The following KCNMA1 variants were observed in gnomAD, a reference collection of about 807,000 sequenced individuals.
KCNMA1 encodes the protein potassium calcium-activated channel subfamily M alpha 1, also known as Calcium-activated potassium channel subunit alpha-1.
Under a neutral mutation model 140.0 loss-of-function variants are expected in KCNMA1, and 29 were observed. That is an observed-to-expected ratio of 0.21 (90% CI 0.15 to 0.28). The LOEUF is 0.28. KCNMA1 is among the 10% of genes least tolerant of loss of function. The pLI is 1.00. For synonymous variants in KCNMA1, 612 were observed against 611.9 expected, an observed-to-expected ratio of 1.00 and a Z score of 0.00; for missense variants, 880 against 1,602.2, an observed-to-expected ratio of 0.55 and a Z score of 7.70.
intron 3 of KCNMA1, among the ~76,000 whole-genome samples, chr10:77,247,518 A>T (rs1463334989): frequency 2.6e-5 from 4 of 151,918 alleles, no homozygotes; most frequent in East Asian, 1.9e-4. Context: ...ATTTCTAAAA[A>T]ATCTTTGCTT....
At position 77,633,845 on chromosome 10, in the gene KCNMA1, C is replaced by T. The variant is rs377187450; in HGVS notation, c.378+3420G>A. The stretch of plus-strand genomic sequence containing the variant: ...CCAACAGGAAGTTGGCCTCAGTTTC[C>T]CCAGTTATTTAAAGAGAAGTAGACC... On this transcript the variant is annotated intron_variant, in intron 1 of 27. Transcript: ENST00000286628. Among the ~76,000 whole-genome samples, 3 of 152,240 alleles carry T rather than the reference C, an allele frequency of 2.0e-5. No individual in the cohort carries two copies. The East Asian group carries it at 5.8e-4, about 29-fold the overall frequency.
intron 1 of KCNMA1, among the ~76,000 whole-genome samples, chr10:77,537,306 T>C (rs1288630907): frequency 6.6e-6 from 1 of 152,206 alleles, no homozygotes; most frequent in East Asian, 1.9e-4. Context: ...CATGCATCAC[T>C]GTGCCAACTC....
chr10:77,357,606 G>C (rs1428213796), intron 2 of KCNMA1, among the ~76,000 whole-genome samples: 1 of 152,152 alleles, frequency 6.6e-6, no homozygotes, highest in African/African-American at 2.4e-5. Flanking sequence ...AAAGCTTTCT[G>C]CTTCATTGGA....
intron 1 of KCNMA1, among the ~76,000 whole-genome samples, chr10:77,612,217 C>T (rs1018372135): frequency 7.2e-5 from 11 of 152,166 alleles, no homozygotes; most frequent in African/African-American, 1.4e-4. Flanking sequence ...TGGCCAAAGA[C>T]CCAGGCACAT....
At chr10:77,072,322 G>A (rs1473438198) in intron 14 of KCNMA1, among the ~76,000 whole-genome samples, 1 of 152,226 alleles carries the variant, frequency 6.6e-6, no homozygotes, top group Non-Finnish European at 1.5e-5. Context: ...TGGAGTGACT[G>A]TTATCCCAGG....
chr10:77,380,610 A>G (rs895238689), intron 2 of KCNMA1, among the ~76,000 whole-genome samples: 7 of 152,086 alleles, frequency 4.6e-5, no homozygotes, highest in East Asian at 1.9e-4. Context: ...TCATTGTCCT[A>G]CTCATAAACG....
intron 7 of KCNMA1, among the ~76,000 whole-genome samples, chr10:77,111,131 C>T (rs767290207): frequency 2.0e-5 from 3 of 152,236 alleles, no homozygotes; most frequent in Non-Finnish European, 4.4e-5. Flanking sequence ...GCAGTTTCCC[C>T]ACTTTCCTGT....
intron 2 of KCNMA1, among the ~76,000 whole-genome samples, chr10:77,333,506 A>G (rs574181601): frequency 6.6e-6 from 1 of 152,350 alleles, no homozygotes; most frequent in African/African-American, 2.4e-5. Context: ...TCAAAGCTAC[A>G]TTACTATAAA....
chr10:76,936,617 ATTC>A (rs1261183199), intron 23 of KCNMA1, among the ~76,000 whole-genome samples: 1 of 152,142 alleles, frequency 6.6e-6, no homozygotes, highest in African/African-American at 2.4e-5. Context: ...AGCTGAAAAA[ATTC>A]TTCTCTGACT....
chr10:77,344,586 T>A (rs988664167), intron 2 of KCNMA1, among the ~76,000 whole-genome samples: 7 of 138,340 alleles, frequency 5.1e-5, no homozygotes, highest in African/African-American at 2.1e-4. Flanking sequence ...GCTTTCTCTA[T>A]TTTTTTTTTT....
intron 2 of KCNMA1, among the ~76,000 whole-genome samples, chr10:77,381,507 G>A (rs1015325219): frequency 6.6e-6 from 1 of 152,096 alleles, no homozygotes; most frequent in East Asian, 1.9e-4. Context: ...GGCAGTATAA[G>A]GTGGAACTAC....
chr10:77,086,695 A>G (rs980121113), intron 10 of KCNMA1, 102 bp from the exon 11 acceptor site: 1 of 812,888 alleles, frequency 1.2e-6, no homozygotes, highest in African/African-American at 1.7e-5. Context: ...CCCTGGGGAG[A>G]GGCTGTGACC....
intron 14 of KCNMA1, among the ~76,000 whole-genome samples, chr10:77,057,858 TGAAACAG>T (rs1486548828): frequency 6.6e-6 from 1 of 151,654 alleles, no homozygotes; most frequent in Non-Finnish European, 1.5e-5. Context: ...TTTTCAAAAC[TGAAACAG>T]GAAACAAACA....
intron 13 of KCNMA1, among the ~76,000 whole-genome samples, chr10:77,074,844 T>C (rs904861529): frequency 3.3e-5 from 5 of 152,336 alleles, no homozygotes; most frequent in African/African-American, 7.2e-5. Flanking sequence ...CAAGATTCTA[T>C]GGCTTTGAAG....
intron 14 of KCNMA1, among the ~76,000 whole-genome samples, chr10:77,060,317 G>A (rs2095692637): frequency 6.6e-6 from 1 of 152,186 alleles, no homozygotes; most frequent in African/African-American, 2.4e-5. Flanking sequence ...TTAAGCAACA[G>A]AAGATTGTTC....
At chr10:77,334,549 C>T (rs1409653381) in intron 2 of KCNMA1, among the ~76,000 whole-genome samples, 1 of 152,150 alleles carries the variant, frequency 6.6e-6, no homozygotes, top group Non-Finnish European at 1.5e-5. Flanking sequence ...TTCACAATTA[C>T]AGAAAACATT....
chr10:76,971,932 A>C (rs1381768594), intron 19 of KCNMA1, among the ~76,000 whole-genome samples: 1 of 152,072 alleles, frequency 6.6e-6, no homozygotes, highest in African/African-American at 2.4e-5. Flanking sequence ...GGGACCAGGC[A>C]TCTGAGGCAA....
chr10:77,112,518 G>A, intron 6 of KCNMA1, 76 bp from the exon 7 acceptor site: 3 of 1,029,422 alleles, frequency 2.9e-6, no homozygotes, highest in Non-Finnish European at 4.6e-6. Context: ...CAGGGTAACA[G>A]CACCCGCTTA....
At chr10:77,453,954 C>T (rs1306926874) in intron 1 of KCNMA1, among the ~76,000 whole-genome samples, 1 of 152,172 alleles carries the variant, frequency 6.6e-6, no homozygotes, top group Non-Finnish European at 1.5e-5. Flanking sequence ...AGCAGCGTCT[C>T]TGTAGTGGGA....
Sources: allele counts gnomAD v4.1 joint callset (sites outside exome capture counted in the v4.1 genomes callset), GRCh38; gene constraint gnomAD v4.1.1; transcripts MANE v1.5; gene names NCBI Gene and HGNC (gene_info 2026-07-23, HGNC 2026-07-21).